The following NAPEPLD variants were observed in gnomAD, a reference collection of about 807,000 sequenced individuals.
The protein encoded by NAPEPLD is N-acyl phosphatidylethanolamine phospholipase D.
In NAPEPLD, 23 loss-of-function variants were observed where a neutral mutation model predicts 38.1. The observed-to-expected ratio is 0.60, with a 90% CI of 0.43 to 0.86. NAPEPLD has a LOEUF of 0.86. Ranked by LOEUF, NAPEPLD falls within the 40% of genes least tolerant of loss-of-function variation. NAPEPLD has a pLI of 0.00. For synonymous variants in NAPEPLD, 147 were observed against 162.0 expected (o/e 0.91, Z 0.71); for missense variants, 411 against 476.8 (o/e 0.86, Z 1.28).
At chr7:103,103,906 A>G (rs1031691703) in intron 4 of NAPEPLD, among the ~76,000 whole-genome samples, 5 of 152,230 alleles carry the variant, frequency 3.3e-5, no homozygotes, top group Admixed American at 1.3e-4. Flanking sequence ...AGAGAATTAC[A>G]TGTTACTAAC....
In NAPEPLD at chr7:103,100,213, C is replaced by T. The variant is rs887293551; in HGVS notation, c.*3216G>A. On this transcript the variant is annotated 3_prime_UTR_variant, in exon 5 of 5. Transcript: ENST00000465647. ...GACATGAACAAAAGTATTCATTCCC[C>T]AAAAGGCACATTTCTTTATAACGGT... is the stretch of plus-strand genomic sequence containing the variant. The T allele has an allele frequency of 2.6e-5, 4 of 152,160 alleles. No homozygotes were observed. Among genetic ancestry groups the T allele is most frequent in the African/African-American group, 9.7e-5 (4 of 41,424 alleles). The allele number at this position is 152,160 out of a possible 1,614,324, so 9.4% of individuals were successfully genotyped here. A position where few individuals can be genotyped will look rare whatever the true frequency, so the allele number is the denominator to read the frequency against.
intron 4 of NAPEPLD, among the ~76,000 whole-genome samples, chr7:103,109,496 G>C (rs1330877792): frequency 5.3e-5 from 8 of 152,192 alleles, no homozygotes; most frequent in Non-Finnish European, 1.0e-4. Flanking sequence ...GCTCCTGAAT[G>C]ACTATGGGTA....
chr7:103,144,265 C>T (rs988978048), intron 1 of NAPEPLD, among the ~76,000 whole-genome samples: 2 of 152,200 alleles, frequency 1.3e-5, no homozygotes, highest in African/African-American at 4.8e-5. Context: ...GTTATGGTCT[C>T]ACTGACAAGG....
intron 4 of NAPEPLD, among the ~76,000 whole-genome samples, chr7:103,106,350 CTT>C (rs761558673): frequency 2.8e-5 from 4 of 145,230 alleles, no homozygotes; most frequent in Admixed American, 6.9e-5. Flanking sequence ...GCTGCGGGAG[CTT>C]TTTTTTTTTT....
At chr7:103,124,212 A>G (rs1807282435) in intron 2 of NAPEPLD, among the ~76,000 whole-genome samples, 1 of 152,138 alleles carries the variant, frequency 6.6e-6, no homozygotes, top group Non-Finnish European at 1.5e-5. Context: ...TAATCCCAGC[A>G]CTTTGGGAGG....
Position 103,126,755 on chromosome 7 carries a change from C to T in NAPEPLD, c.294+1728G>A, listed in dbSNP as rs558773694. 2.7e-5 allele frequency: 4 copies of T among 150,342 alleles called. No homozygotes were observed. The South Asian group carries it at 6.4e-4, about 24-fold the overall frequency. 9.3% of individuals were successfully genotyped at this position (150,342 alleles called of 1,614,324 possible). On this transcript the variant is annotated intron_variant, in intron 2 of 4. Transcript: ENST00000465647. The stretch of plus-strand genomic sequence containing the variant: ...CCAAGTAGCTGGGATTATAGGCACA[C>T]TCTATTGCACCTGGCTAATTTTTTG...
chr7:103,142,741 G>A (rs1411619190), intron 1 of NAPEPLD, among the ~76,000 whole-genome samples: 1 of 152,182 alleles, frequency 6.6e-6, no homozygotes, highest in Non-Finnish European at 1.5e-5. Context: ...TGTACACAAT[G>A]AGTGCACAAT....
In NAPEPLD at chr7:103,130,292, T is replaced by C. The variant is rs1214169050; in HGVS notation, c.-16-1500A>G. ...ACTGTCTAGAGTAAGCAGTCTGTAATCTAGAGAAGAATCACTGTGAAGAAA... is the reference window on the plus strand; with the variant it reads ...ACTGTCTAGAGTAAGCAGTCTGTAACCTAGAGAAGAATCACTGTGAAGAAA... On this transcript the variant is annotated intron_variant, in intron 1 of 4. Coordinates refer to ENST00000465647, the MANE Select transcript of NAPEPLD (RefSeq NM_001122838.3). 2.0e-5 allele frequency among the ~76,000 whole-genome samples: 3 copies of C among 152,184 alleles called. No homozygotes were observed. In the South Asian group the frequency reaches 6.2e-4, roughly 32 times the overall value.
At chr7:103,111,464 C>A (rs1232252089) in intron 4 of NAPEPLD, among the ~76,000 whole-genome samples, 3 of 152,170 alleles carry the variant, frequency 2.0e-5, no homozygotes, top group African/African-American at 7.2e-5. Flanking sequence ...CACACATCTA[C>A]AACCATCTGA....
intron 1 of NAPEPLD, among the ~76,000 whole-genome samples, chr7:103,145,151 C>T (rs1053572209): frequency 6.6e-6 from 1 of 152,110 alleles, no homozygotes; most frequent in African/African-American, 2.4e-5. Flanking sequence ...GCAGTTTAAA[C>T]TAAATTGAAG....
At chr7:103,104,315 G>C (rs1802869159) in intron 4 of NAPEPLD, among the ~76,000 whole-genome samples, 1 of 152,198 alleles carries the variant, frequency 6.6e-6, no homozygotes, top group South Asian at 2.1e-4. Context: ...ACAGCAGGTA[G>C]GTGGTATTTG....
At chr7:103,136,466 AGT>A (rs1422832359) in intron 1 of NAPEPLD, among the ~76,000 whole-genome samples, 62 of 151,750 alleles carry the variant, frequency 4.1e-4, no homozygotes, top group East Asian at 1.9e-4. Flanking sequence ...CCGAACCTGT[AGT>A]CCCAGCTACT....
intron 2 of NAPEPLD, among the ~76,000 whole-genome samples, chr7:103,122,367 G>A (rs1172641877): frequency 6.6e-6 from 1 of 152,114 alleles, no homozygotes. Context: ...GGCATGGAGA[G>A]TGTCACAACA....
chr7:103,105,704 G>A (rs550789222), intron 4 of NAPEPLD, among the ~76,000 whole-genome samples: 50 of 152,102 alleles, frequency 3.3e-4, no homozygotes, highest in Admixed American at 7.2e-4. Context: ...AGGCTGAAGC[G>A]GACGGATCAC....
intron 4 of NAPEPLD, among the ~76,000 whole-genome samples, chr7:103,106,833 A>C (rs1386306243): frequency 6.6e-6 from 1 of 152,080 alleles, no homozygotes; most frequent in Admixed American, 6.5e-5. Flanking sequence ...GTTTCAGCAG[A>C]CTTAAACGTC....
Position 103,128,186 on chromosome 7 carries a change from G to C in NAPEPLD, c.294+297C>G, listed in dbSNP as rs909113047. On this transcript the variant is annotated intron_variant, in intron 2 of 4. Coordinates refer to ENST00000465647, the MANE Select transcript of NAPEPLD (RefSeq NM_001122838.3). ...TGTCAAAATACTTTTTAGTTGACTA[G>C]GCCCAGCTGAAATATTCACCTCCTC... 7.9e-6 allele frequency: 3 copies of C among 380,236 alleles called. No homozygotes were observed. In the East Asian group the frequency reaches 1.4e-4, roughly 17 times the overall value. 23.6% of individuals were successfully genotyped at this position (380,236 alleles called of 1,614,324 possible). A position where few individuals can be genotyped will look rare whatever the true frequency, so the allele number is the denominator to read the frequency against.
Position 103,139,397 on chromosome 7 carries a change from T to G in NAPEPLD, c.-17+9414A>C, listed in dbSNP as rs978372469. The stretch of plus-strand genomic sequence containing the variant: ...ATCACATTTACAGAAGTGTCAGCTC[T>G]GATTAATGAAAATGGTATAGACTTT... On this transcript the variant is annotated intron_variant, in intron 1 of 4. Coordinates refer to ENST00000465647, the MANE Select transcript of NAPEPLD (RefSeq NM_001122838.3). 3.3e-5 allele frequency among the ~76,000 whole-genome samples: 5 copies of G among 152,358 alleles called. No individual in the cohort carries two copies. In the East Asian group the frequency reaches 9.6e-4, roughly 29 times the overall value.
At chr7:103,147,848 G>T in intron 1 of NAPEPLD, 1 of 404,520 alleles carries the variant, frequency 2.5e-6, no homozygotes, top group Non-Finnish European at 3.3e-6. Context: ...AAAGCCTGCA[G>T]AATGTTAACA....
At chr7:103,106,388 C>T (rs1398126022) in intron 4 of NAPEPLD, among the ~76,000 whole-genome samples, 1 of 151,572 alleles carries the variant, frequency 6.6e-6, no homozygotes, top group Non-Finnish European at 1.5e-5. Flanking sequence ...ACCTGTAATG[C>T]CAGCAAAACA....
Sources: allele counts gnomAD v4.1 joint callset (sites outside exome capture counted in the v4.1 genomes callset), GRCh38; gene constraint gnomAD v4.1.1; transcripts MANE v1.5; gene names NCBI Gene and HGNC (gene_info 2026-07-23, HGNC 2026-07-21).